Variants in SCUBE2 observed in about 807,000 individuals in gnomAD.
SCUBE2 encodes signal peptide, CUB domain and EGF like domain containing 2.
In SCUBE2, 114 loss-of-function variants were observed where a neutral mutation model predicts 125.9. The observed-to-expected ratio is 0.91, with a 90% confidence interval of 0.78 to 1.06. The LOEUF is 1.06. Among genes scored for constraint, SCUBE2 ranks in the 50% least tolerant of loss-of-function variants. SCUBE2 has a pLI of 0.00. For synonymous variants in SCUBE2, 459 were observed against 492.9 expected, an observed-to-expected ratio of 0.93 and a Z score of 0.91; for missense variants, 1,255 against 1,301.8, an observed-to-expected ratio of 0.96 and a Z score of 0.55.
At chr11:9,044,801 C>T (rs1346701191) in intron 16 of SCUBE2, among the ~76,000 whole-genome samples, 1 of 152,126 alleles carries the variant, frequency 6.6e-6, no homozygotes, top group Non-Finnish European at 1.5e-5. Flanking sequence ...ATTTGTTGTT[C>T]TCTTTGCCTG....
chr11:9,053,540 A>G, intron 11 of SCUBE2, 97 bp downstream of exon 11: 1 of 1,405,578 alleles, frequency 7.1e-7, no homozygotes, highest in Non-Finnish European at 9.8e-7. Context: ...AAGTCAGTGG[A>G]GGGACGGTCA....
Position 9,025,753 on chromosome 11 carries a change from T to C in SCUBE2, c.2803A>G (p.Asn935Asp). The C allele has an allele frequency of 6.2e-7, 1 of 1,614,230 alleles. No homozygotes were observed. Among genetic ancestry groups the C allele is most frequent in the South Asian group, 1.1e-5 (1 of 91,080 alleles). The change falls in exon 21 of 23, where the codon AAT becomes GAT. Residue 935 changes from asparagine (N) to aspartate (D), a missense_variant. By Grantham distance (23) the Asn-to-Asp change is conservative (BLOSUM62 1). Coordinates refer to ENST00000649792, the MANE Select transcript of SCUBE2 (RefSeq NM_001367977.2). ...AACCCTCTAGCGCTGTTCCCTTCAT[T>C]GGACTTGAACTGAATCCACAGCTTC... ...SKKLWIQFKS[N>D]EGNSARGFQV...
intron 3 of SCUBE2, among the ~76,000 whole-genome samples, chr11:9,076,961 A>G (rs1487740404): frequency 6.6e-6 from 1 of 152,020 alleles, no homozygotes; most frequent in Non-Finnish European, 1.5e-5. Flanking sequence ...CTGAACACCA[A>G]CTCCTGGATT....
At position 9,052,834 on chromosome 11, in the gene SCUBE2, TGACA is replaced by T; in HGVS notation, c.1448-6_1448-3del. On this transcript the variant is annotated splice_polypyrimidine_tract_variant and splice_region_variant and intron_variant, in intron 12 of 22. Coordinates refer to ENST00000649792, the MANE Select transcript of SCUBE2 (RefSeq NM_001367977.2). ...TGACAGAGTAGGCCCCTTGCAGTCCTGACAGACAGAATGTCAATTGTCAAATGCA... is the reference window on the plus strand; with the variant it reads ...TGACAGAGTAGGCCCCTTGCAGTCCTGACAGAATGTCAATTGTCAAATGCA... 2.6e-6 allele frequency: 4 copies of T among 1,535,358 alleles called. No individual in the cohort carries two copies. The highest frequency in any genetic ancestry group is 1.2e-5 in the South Asian group (1 of 83,984).
chr11:9,087,420 T>C (rs976982554), intron 2 of SCUBE2, among the ~76,000 whole-genome samples: 3 of 152,030 alleles, frequency 2.0e-5, no homozygotes, highest in African/African-American at 7.3e-5. Context: ...GTACAGCAAA[T>C]AGAATATTTA....
At chr11:9,022,011 A>G in intron 21 of SCUBE2, 56 bp from the exon 22 acceptor site, 2 of 1,290,442 alleles carry the variant, frequency 1.5e-6, no homozygotes, top group Non-Finnish European at 2.3e-6. Flanking sequence ...TTCCAAACTC[A>G]CTCTTTCACT....
At position 9,054,718 on chromosome 11, in the gene SCUBE2, TATATA is replaced by T. The variant is rs1308514284; in HGVS notation, c.1208-964_1208-960del. ...GCACTAGTGTATATATATATATATATATATATATTTTTTTTTTTTTTTTTTTTTTT... is the reference window on the plus strand; with the variant it reads ...GCACTAGTGTATATATATATATATATTATTTTTTTTTTTTTTTTTTTTTTT... On this transcript the variant is annotated intron_variant, in intron 10 of 22. Transcript: ENST00000649792. 2.0e-3 allele frequency among the ~76,000 whole-genome samples: 163 copies of T among 79,756 alleles called. 6 individuals carry two copies. The highest frequency in any genetic ancestry group is 7.9e-3 in the African/African-American group (153 of 19,342). 52.3% of individuals were successfully genotyped at this position (79,756 alleles called of 152,430 possible). A position where few individuals can be genotyped will look rare whatever the true frequency, so the allele number is the denominator to read the frequency against.
intron 9 of SCUBE2, among the ~76,000 whole-genome samples, chr11:9,056,323 G>A (rs1227587800): frequency 1.3e-5 from 2 of 152,068 alleles, no homozygotes; most frequent in South Asian, 2.1e-4. Flanking sequence ...TATTAACTAC[G>A]GCAAATTGAA....
At chr11:9,049,042 C>T (rs1350091066) in intron 14 of SCUBE2, among the ~76,000 whole-genome samples, 4 of 152,192 alleles carry the variant, frequency 2.6e-5, no homozygotes, top group South Asian at 2.1e-4. Context: ...TTTTCCCTTT[C>T]GATGTTTCCA....
chr11:9,090,324 T>C (rs915875999), intron 1 of SCUBE2: 2 of 154,038 alleles, frequency 1.3e-5, no homozygotes, highest in Non-Finnish European at 2.9e-5. Flanking sequence ...ACAGACAAGC[T>C]CTGAACACCA....
At chr11:9,031,132 A>C in intron 17 of SCUBE2, 2 of 512,596 alleles carry the variant, frequency 3.9e-6, no homozygotes, top group East Asian at 3.2e-5. Context: ...ACAGGGCTAC[A>C]CAGCACAGTG....
chr11:9,049,206 A>G (rs1007932327), intron 14 of SCUBE2, among the ~76,000 whole-genome samples: 1 of 152,212 alleles, frequency 6.6e-6, no homozygotes. Flanking sequence ...GTACAATCCC[A>G]TTAAGTAAAC....
At chr11:9,050,203 C>G (rs551506940) in intron 14 of SCUBE2, 33 of 168,184 alleles carry the variant, frequency 2.0e-4, no homozygotes, top group Admixed American at 3.6e-4. Context: ...GATCTTTGTT[C>G]ATCAAAGTTA....
chr11:9,091,409 C>G lies in SCUBE2; in HGVS notation c.120G>C (p.Ala40=), dbSNP rs1862716513. ...GAVPPGRGRA[A]GPQEDVDECA... Reference sequence around the variant, plus strand: ...CCGGACACTCACCCTCCTGCGGCCCCGCGGCACGGCCCCGACCCGGCGGGA... The same window carrying G: ...CCGGACACTCACCCTCCTGCGGCCCGGCGGCACGGCCCCGACCCGGCGGGA... Residue 40 remains alanine, a synonymous_variant, in exon 1 of 23, where the codon GCG becomes GCC. Coordinates refer to ENST00000649792, the MANE Select transcript of SCUBE2 (RefSeq NM_001367977.2). The surrounding 1 kb of genome is among the most constrained non-coding windows in gnomAD (Gnocchi z 8.5). The G allele has an allele frequency of 3.8e-6, 5 of 1,309,492 alleles. No individual in the cohort carries two copies. The highest frequency in any genetic ancestry group is 1.6e-5 in the African/African-American group (1 of 64,172). 81.1% of individuals were successfully genotyped at this position (1,309,492 alleles called of 1,614,324 possible). A position where few individuals can be genotyped will look rare whatever the true frequency, so the allele number is the denominator to read the frequency against.
intron 15 of SCUBE2, 103 bp downstream of exon 15, chr11:9,047,840 G>T: frequency 1.5e-6 from 2 of 1,336,196 alleles, no homozygotes; most frequent in Non-Finnish European, 2.1e-6. Context: ...AGATACTTCA[G>T]TGTTTGCATT....
chr11:9,029,801 T>C, intron 19 of SCUBE2, 83 bp downstream of exon 19: 1 of 1,478,430 alleles, frequency 6.8e-7, no homozygotes, highest in Non-Finnish European at 9.4e-7. Context: ...CTGGGACCTC[T>C]GCCCCGTGCC....
chr11:9,050,910 A>C (rs1858298640), intron 13 of SCUBE2, among the ~76,000 whole-genome samples, 200 bp from the exon 14 acceptor site: 1 of 152,176 alleles, frequency 6.6e-6, no homozygotes, highest in South Asian at 2.1e-4. Flanking sequence ...GCCTCCTAAA[A>C]TTGCAGTTAC....
intron 1 of SCUBE2, among the ~76,000 whole-genome samples, chr11:9,090,750 G>A (rs1008338973): frequency 5.3e-5 from 8 of 152,068 alleles, no homozygotes; most frequent in African/African-American, 1.9e-4. Context: ...CGCCTTGGCA[G>A]AAGTATTTCC....
chr11:9,077,545 A>G (rs1861300458), intron 3 of SCUBE2, among the ~76,000 whole-genome samples: 1 of 152,152 alleles, frequency 6.6e-6, no homozygotes. Flanking sequence ...GAGGCTGAGG[A>G]GATTGAAGGG....
Sources: allele counts gnomAD v4.1 joint callset (sites outside exome capture counted in the v4.1 genomes callset), GRCh38; gene constraint gnomAD v4.1.1; non-coding constraint Gnocchi (gnomAD v3.1); transcripts MANE v1.5; gene names NCBI Gene and HGNC (gene_info 2026-07-23, HGNC 2026-07-21).